OTOGL: variants seen among roughly 807,000 people sequenced by gnomAD.
OTOGL encodes otogelin-like protein.
A neutral mutation model predicts 318.5 loss-of-function variants in OTOGL; 285 were observed. The observed-to-expected ratio is 0.89, with a 90% CI of 0.81 to 0.99. OTOGL has a LOEUF of 0.99. OTOGL is among the 50% of genes least tolerant of loss of function. OTOGL has a pLI of 0.00. For missense variants in OTOGL, 2,899 were observed against 2,845.6 expected (o/e 1.02, Z -0.43); for synonymous variants, 987 against 936.5 (o/e 1.05, Z -0.99).
At chr12:80,371,085 T>C (rs7967171) in intron 56 of OTOGL, among the ~76,000 whole-genome samples, 129,274 of 152,008 alleles carry the variant, frequency 0.85, 55,014 homozygotes, top group South Asian at 0.88. Context: ...GCCTGTATGA[T>C]GTTTGCCCTA....
At chr12:80,265,348 A>G in intron 20 of OTOGL, 138 bp downstream of exon 20, 4 of 907,548 alleles carry the variant, frequency 4.4e-6, no homozygotes, top group Non-Finnish European at 4.9e-6. Context: ...ATGTACAAAC[A>G]TGAAAAGCAA....
Position 80,257,830 on chromosome 12 carries a change from G to T in OTOGL, c.1717G>T (p.Val573Phe). ...PNQGFNLNGIVEIQTLSSLFI... is the reference protein window; with the variant it reads ...PNQGFNLNGIFEIQTLSSLFI... ...CGTATGTTCTTTTCCTGCAGGTATT[G>T]TTGAAATTCAAACTCTGTCATCCTT... The change falls in exon 18 of 59, where the codon GTT (valine) becomes TTT (phenylalanine). Residue 573 changes from valine to phenylalanine, a missense_variant. Transcript: ENST00000547103. The T allele has an allele frequency of 6.4e-7, 1 of 1,573,454 alleles. No individual in the cohort carries two copies. Among genetic ancestry groups the T allele is most frequent in the Non-Finnish European group, 8.6e-7 (1 of 1,167,156 alleles).
chr12:80,263,856 C>A (rs1487528433), intron 19 of OTOGL, among the ~76,000 whole-genome samples: 1 of 151,994 alleles, frequency 6.6e-6, no homozygotes, highest in Non-Finnish European at 1.5e-5. Context: ...CTTTGATCTA[C>A]AAATTGTTAG....
intron 27 of OTOGL, among the ~76,000 whole-genome samples, chr12:80,301,793 G>A (rs1482764017): frequency 6.6e-6 from 1 of 152,144 alleles, no homozygotes; most frequent in East Asian, 1.9e-4. Context: ...ACCTCCAGTG[G>A]AAGCCTGAAA....
At chr12:80,304,868 A>C (rs1886006287) in intron 28 of OTOGL, among the ~76,000 whole-genome samples, 1 of 152,214 alleles carries the variant, frequency 6.6e-6, no homozygotes, top group Non-Finnish European at 1.5e-5. Context: ...AATATTGAAG[A>C]ATGGAATCTA....
intron 46 of OTOGL, 105 bp from the exon 47 acceptor site, chr12:80,355,631 T>G (rs1889840575): frequency 1.2e-6 from 1 of 808,276 alleles, no homozygotes; most frequent in Non-Finnish European, 1.9e-6. Flanking sequence ...TTGTGACACA[T>G]CATTATGTCA....
chr12:80,253,606 G>T (rs779630706), intron 14 of OTOGL, 32 bp downstream of exon 14: 1 of 1,525,764 alleles, frequency 6.6e-7, no homozygotes, highest in Non-Finnish European at 9.1e-7. Flanking sequence ...AATTATTTCT[G>T]GGTACTTGGC....
intron 6 of OTOGL, among the ~76,000 whole-genome samples, chr12:80,221,507 A>G (rs1195472346): frequency 2.0e-5 from 3 of 152,020 alleles, no homozygotes; most frequent in African/African-American, 7.2e-5. Context: ...GAGCTCAGGT[A>G]ACCTGCCCAC....
chr12:80,127,869 G>A (rs146622185), intron 1 of OTOGL, among the ~76,000 whole-genome samples: 49 of 152,196 alleles, frequency 3.2e-4, no homozygotes, highest in African/African-American at 8.9e-4. Flanking sequence ...CGTAGTTCTC[G>A]TGCCATGGTT....
intron 11 of OTOGL, among the ~76,000 whole-genome samples, chr12:80,247,641 T>G (rs1326336373): frequency 1.6e-5 from 1 of 64,058 alleles, no homozygotes; most frequent in Non-Finnish European, 2.9e-5. Flanking sequence ...GTATATTCTG[T>G]TGATTTGGGG....
chr12:80,141,939 A>T (rs1871972789), intron 1 of OTOGL, among the ~76,000 whole-genome samples: 1 of 151,942 alleles, frequency 6.6e-6, no homozygotes, highest in Non-Finnish European at 1.5e-5. Flanking sequence ...TGAGAATGAA[A>T]TGAGAAAGAA....
intron 1 of OTOGL, among the ~76,000 whole-genome samples, chr12:80,139,300 G>A (rs915223272): frequency 6.6e-6 from 1 of 152,128 alleles, no homozygotes; most frequent in African/African-American, 2.4e-5. Context: ...TAATTACTCT[G>A]TAAGCCTTTT....
rs1196062306 is a variant in OTOGL at position 80,310,745 on chromosome 12, T to C, written c.3450+18T>C. 4.6e-6 allele frequency: 7 copies of C among 1,515,940 alleles called. No homozygotes were observed. In the African/African-American group the frequency reaches 5.5e-5, roughly 12 times the overall value. The allele number at this position is 1,515,940 out of a possible 1,614,324, so 93.9% of individuals were successfully genotyped here. A position where few individuals can be genotyped will look rare whatever the true frequency, so the allele number is the denominator to read the frequency against. ...GCAATGTGGTAAATGAATACTTTAATGAACTCTCGAGTTTCAATATGTTCT... is the reference window on the plus strand; with the variant it reads ...GCAATGTGGTAAATGAATACTTTAACGAACTCTCGAGTTTCAATATGTTCT... On this transcript the variant is annotated intron_variant, in intron 30 of 58. Coordinates refer to ENST00000547103, the MANE Select transcript of OTOGL (RefSeq NM_001378609.3).
At chr12:80,318,970 A>G (rs920282040) in intron 33 of OTOGL, among the ~76,000 whole-genome samples, 1 of 149,650 alleles carries the variant, frequency 6.7e-6, no homozygotes, top group Admixed American at 6.6e-5. Flanking sequence ...AAATATAGCT[A>G]AAATTTTCAT....
intron 1 of OTOGL, among the ~76,000 whole-genome samples, chr12:80,146,437 A>C (rs901875076): frequency 2.6e-5 from 4 of 151,246 alleles, no homozygotes; most frequent in African/African-American, 9.8e-5. Flanking sequence ...AAGCTTTTTG[A>C]TGTGCTGCTG....
intron 1 of OTOGL, among the ~76,000 whole-genome samples, chr12:80,164,506 C>G (rs1873716109): frequency 6.6e-6 from 1 of 152,128 alleles, no homozygotes; most frequent in African/African-American, 2.4e-5. Context: ...TTCATCTAAG[C>G]TTCTGAATTT....
intron 1 of OTOGL, among the ~76,000 whole-genome samples, chr12:80,134,429 G>C (rs1369446185): frequency 1.3e-5 from 2 of 152,114 alleles, no homozygotes; most frequent in East Asian, 3.9e-4. Flanking sequence ...ATTCAGCCCT[G>C]AATTATGGTT....
At chr12:80,352,093 T>C (rs1251125409) in intron 44 of OTOGL, among the ~76,000 whole-genome samples, 3 of 152,178 alleles carry the variant, frequency 2.0e-5, no homozygotes, top group African/African-American at 7.2e-5. Context: ...TTTGTGTAGA[T>C]TAGTGCAGAT....
intron 1 of OTOGL, among the ~76,000 whole-genome samples, chr12:80,150,666 T>C (rs1327141646): frequency 6.6e-6 from 1 of 152,236 alleles, no homozygotes; most frequent in Non-Finnish European, 1.5e-5. Flanking sequence ...AAGGGCCTTA[T>C]AGTTATTGTT....
Sources: allele counts gnomAD v4.1 joint callset (sites outside exome capture counted in the v4.1 genomes callset), GRCh38; gene constraint gnomAD v4.1.1; transcripts MANE v1.5; gene names NCBI Gene and HGNC (gene_info 2026-07-23, HGNC 2026-07-21).